AP4E1: variants seen among roughly 807,000 people sequenced by gnomAD.
AP4E1 encodes adaptor related protein complex 4 subunit epsilon 1.
Under a neutral mutation model 128.2 loss-of-function variants are expected in AP4E1, and 56 were observed. The ratio of observed to expected loss-of-function variants is 0.44; its 90% CI spans 0.35 to 0.55. AP4E1 has a LOEUF of 0.55. Ranked by LOEUF, AP4E1 falls within the 20% of genes least tolerant of loss-of-function variation. The pLI is 0.00. For missense variants in AP4E1, 1,324 were observed against 1,307.7 expected, an observed-to-expected ratio of 1.01 and a Z score of -0.19; for synonymous variants, 484 against 473.1, an observed-to-expected ratio of 1.02 and a Z score of -0.30.
intron 15 of AP4E1, among the ~76,000 whole-genome samples, chr15:50,976,026 G>A (rs1397606430): frequency 1.3e-5 from 2 of 152,032 alleles, no homozygotes; most frequent in Non-Finnish European, 2.9e-5. Flanking sequence ...AATTTAAAGA[G>A]GAGAGAACAT....
Position 51,001,033 on chromosome 15 carries a change from A to G in AP4E1, c.3103A>G (p.Lys1035Glu), listed in dbSNP as rs145008111. Residue 1035 changes from lysine (K) to glutamate (E), a missense_variant, in exon 20 of 21, where the codon AAA (lysine) becomes GAA (glutamate). Transcript: ENST00000261842. ...LSLLDFIRPL[K>E]ISSDDFGKLW... ...TTTAAAAATTATTTTCAGACCATTAAAAATCTCAAGTGACGACTTTGGGAA... is the reference window on the plus strand; with the variant it reads ...TTTAAAAATTATTTTCAGACCATTAGAAATCTCAAGTGACGACTTTGGGAA... The G allele has an allele frequency of 2.5e-6, 4 of 1,611,250 alleles. No homozygotes were observed. The African/African-American group carries it at 5.3e-5, about 22-fold the overall frequency.
chr15:50,924,903 A>G (rs1363964200), intron 4 of AP4E1, among the ~76,000 whole-genome samples, 195 bp from the exon 5 acceptor site: 1 of 147,826 alleles, frequency 6.8e-6, no homozygotes, highest in Non-Finnish European at 1.5e-5. Flanking sequence ...TTTTGGCTTT[A>G]TTTGTCTACT....
intron 3 of AP4E1, among the ~76,000 whole-genome samples, chr15:50,921,023 G>A (rs1027332320): frequency 4.0e-5 from 6 of 150,460 alleles, no homozygotes; most frequent in Non-Finnish European, 1.5e-5. Context: ...GGCTGGTCTC[G>A]AACTCCTGAT....
chr15:50,929,344 C>G (rs1049458805), intron 6 of AP4E1, among the ~76,000 whole-genome samples, 176 bp downstream of exon 6: 1 of 150,324 alleles, frequency 6.7e-6, no homozygotes, highest in African/African-American at 2.4e-5. Flanking sequence ...AGGCACATTA[C>G]AGAATTAGTT....
At chr15:50,995,399 C>CTTT (rs34400855) in intron 17 of AP4E1, among the ~76,000 whole-genome samples, 4 of 136,746 alleles carry the variant, frequency 2.9e-5, no homozygotes, top group East Asian at 4.2e-4. Flanking sequence ...ATTTCACCTT[C>CTTT]TTTTTTTTTT....
At chr15:50,975,175 G>T (rs1320863540) in intron 15 of AP4E1, among the ~76,000 whole-genome samples, 5 of 152,198 alleles carry the variant, frequency 3.3e-5, no homozygotes. Flanking sequence ...GGAGGCTGAG[G>T]TGGGTGGACC....
chr15:50,926,347 C>T (rs114529826), intron 5 of AP4E1, among the ~76,000 whole-genome samples: 2,586 of 151,298 alleles, frequency 0.017, 67 homozygotes, highest in African/African-American at 0.06. Flanking sequence ...CATCTTGGCC[C>T]GGCTGATCTT....
intron 13 of AP4E1, among the ~76,000 whole-genome samples, chr15:50,953,323 T>C (rs895349770): frequency 2.0e-5 from 3 of 152,244 alleles, no homozygotes; most frequent in African/African-American, 7.2e-5. Flanking sequence ...ATACAGGTCA[T>C]GTACAGTCGG....
chr15:50,975,780 T>C (rs934108442), intron 15 of AP4E1, among the ~76,000 whole-genome samples: 5 of 152,190 alleles, frequency 3.3e-5, no homozygotes, highest in African/African-American at 1.2e-4. Context: ...TGGTCTTTTG[T>C]GGTTCTTCAT....
At chr15:50,945,859 A>G (rs1254086646) in intron 10 of AP4E1, 16 of 842,586 alleles carry the variant, frequency 1.9e-5, no homozygotes, top group Admixed American at 1.1e-4. Flanking sequence ...ACCAAAATCT[A>G]TCTACAGCCA....
chr15:50,928,748 C>T (rs1596464081), intron 5 of AP4E1, among the ~76,000 whole-genome samples: 2 of 143,194 alleles, frequency 1.4e-5, no homozygotes, highest in Admixed American at 7.0e-5. Flanking sequence ...GTAATATATG[C>T]TTGTTACAAA....
At chr15:50,974,531 C>A (rs2064526381) in intron 15 of AP4E1, among the ~76,000 whole-genome samples, 1 of 151,276 alleles carries the variant, frequency 6.6e-6, no homozygotes. Context: ...CGTTGCAAAG[C>A]ACTGGGATTA....
In AP4E1 at chr15:50,939,792, A is replaced by G. The variant is rs139862072; in HGVS notation, c.944-1650A>G. Among the ~76,000 whole-genome samples the G allele has an allele frequency of 4.5e-3, 679 of 152,320 alleles. 5 individuals are homozygous for G. The highest frequency in any genetic ancestry group is 0.015 in the African/African-American group (635 of 41,584). On this transcript the variant is annotated intron_variant, in intron 8 of 20. Transcript: ENST00000261842. ...TTCTTAATGGTAGGAAGCCGTAATG[A>G]AAAATGTGTCAGTTATGTTGGAAAA...
At chr15:50,951,607 T>G (rs2064150679) in intron 13 of AP4E1, among the ~76,000 whole-genome samples, 1 of 152,238 alleles carries the variant, frequency 6.6e-6, no homozygotes, top group African/African-American at 2.4e-5. Context: ...GTTAGCATGT[T>G]AGCTTAAATT....
At chr15:50,969,677 TA>T (rs1388220507) in intron 15 of AP4E1, among the ~76,000 whole-genome samples, 2 of 150,900 alleles carry the variant, frequency 1.3e-5, no homozygotes, top group Non-Finnish European at 3.0e-5. Context: ...TTTTTTTTTT[TA>T]GACAGAGTCT....
At chr15:50,934,402 A>G (rs2141164282) in intron 7 of AP4E1, 1 of 440,268 alleles carries the variant, frequency 2.3e-6, no homozygotes, top group East Asian at 4.0e-5. Flanking sequence ...TGATTGACAT[A>G]TATATCTCAT....
chr15:50,939,312 A>C (rs1447831089), intron 8 of AP4E1, among the ~76,000 whole-genome samples: 2 of 152,154 alleles, frequency 1.3e-5, no homozygotes, highest in African/African-American at 4.8e-5. Context: ...GTCTCTACTA[A>C]AAATACAAAA....
rs754437475 is a variant in AP4E1 at position 50,930,807 on chromosome 15, G to A, written c.705G>A (p.Glu235=). 1.9e-6 allele frequency: 3 copies of A among 1,614,034 alleles called. No homozygotes were observed. The highest frequency in any genetic ancestry group is 2.2e-5 in the East Asian group (1 of 44,852). Reference sequence around the variant, plus strand: ...GTTTTTTTTGCGGGGGGATGTAGGAGAATTCATCTGGATATAAAGACTTGA... The same window carrying A: ...GTTTTTTTTGCGGGGGGATGTAGGAAAATTCATCTGGATATAAAGACTTGA... ...SLHIYLRMIK[E]NSSGYKDLTG... is the part of the protein sequence containing the mutation. Residue 235 remains glutamate, a splice_region_variant and synonymous_variant, in exon 7 of 21, where the codon GAG becomes GAA. Transcript: ENST00000261842.
Position 50,936,460 on chromosome 15 carries a change from T to G in AP4E1, c.943+1763T>G, listed in dbSNP as rs117877694. On this transcript the variant is annotated intron_variant, in intron 8 of 20. Coordinates refer to ENST00000261842, the MANE Select transcript of AP4E1 (RefSeq NM_007347.5). ...TTTTTGAATAGGTAATATATGCACA[T>G]GGGTCAAAATTCAAAAGGTACAAAA... is the stretch of plus-strand genomic sequence containing the variant. Among the ~76,000 whole-genome samples, 834 of 152,118 alleles carry G rather than the reference T, an allele frequency of 5.5e-3. 3 individuals carry two copies. The highest frequency in any genetic ancestry group is 7.8e-3 in the Non-Finnish European group (529 of 67,984).
Sources: gnomAD v4.1 joint callset for allele counts (sites outside exome capture counted in the v4.1 genomes callset) on GRCh38, gnomAD v4.1.1 for gene constraint, MANE v1.5 for transcripts, NCBI Gene and HGNC (gene_info 2026-07-23, HGNC 2026-07-21) for gene names.